The following ZNF233 variants were observed in gnomAD, a reference collection of about 807,000 sequenced individuals.
The protein encoded by ZNF233 is zinc finger protein 233.
ZNF233 carries 7 observed loss-of-function variants against 11.6 expected under a neutral mutation model. The observed-to-expected ratio is 0.60, with a 90% CI of 0.34 to 1.13. The LOEUF (loss-of-function observed/expected upper bound fraction) is 1.13, where lower values mean the gene tolerates loss of function less well. Ranked by LOEUF, ZNF233 falls within the 50% of genes most tolerant of loss-of-function variation. The pLI, the probability that ZNF233 is intolerant of heterozygous loss-of-function variation, is 0.03. For synonymous variants in ZNF233, 226 were observed against 268.5 expected (o/e 0.84, Z 1.55); for missense variants, 711 against 785.5 (o/e 0.91, Z 1.13).
rs747608327 is a variant in ZNF233 at position 44,274,298 on chromosome 19, T to TCAC, written c.1640_1641insCCA (p.Ser546_Gln547insHis). ...GTGAGACATGTGGGAAGGGCTTTAG[T>TCAC]CAGAGTTCGCATCTCCAAGACCATC... On this transcript the variant is annotated inframe_insertion, in exon 5 of 5. Transcript: ENST00000683810. 587 of 1,613,614 alleles carry TCAC rather than the reference T, an allele frequency of 3.6e-4. 2 individuals are homozygous for TCAC. The Middle Eastern group carries it at 4.3e-3, about 12-fold the overall frequency.
rs1248018608 is a variant in ZNF233 at position 44,266,179 on chromosome 19, C to T, written c.16-19C>T. The stretch of plus-strand genomic sequence containing the variant: ...GTTATTGGCCATAAGATTGAGATTA[C>T]ATCTGCTTGATGTTGTAGGAGATGG... On this transcript the variant is annotated intron_variant, in intron 2 of 4. Coordinates refer to ENST00000683810, the MANE Select transcript of ZNF233 (RefSeq NM_001207005.2). 6.3e-7 allele frequency: 1 copy of T among 1,598,456 alleles called. No homozygotes were observed. Among genetic ancestry groups the T allele is most frequent in the Non-Finnish European group, 8.5e-7 (1 of 1,171,732 alleles).
chr19:44,274,368 G>A lies in ZNF233; in HGVS notation c.1708G>A (p.Gly570Arg). The stretch of plus-strand genomic sequence containing the variant: ...GAATCCCTACAAATGTGATGTGTGT[G>A]GGAAAGGCTTCAGTTGGAGTTCACA... ...GENPYKCDVC[G>R]KGFSWSSHLQ... The change falls in exon 5 of 5, where the codon GGG (glycine) becomes AGG (arginine). Residue 570 changes from glycine to arginine, a missense_variant. Physicochemically the swap from Gly to Arg is moderately radical, Grantham distance 125 (BLOSUM62 -2). Coordinates refer to ENST00000683810, the MANE Select transcript of ZNF233 (RefSeq NM_001207005.2). The A allele has an allele frequency of 6.2e-7, 1 of 1,614,100 alleles. No homozygotes were observed. Among genetic ancestry groups the A allele is most frequent in the Non-Finnish European group, 8.5e-7 (1 of 1,180,028 alleles).
chr19:44,273,510 A>G lies in ZNF233; in HGVS notation c.850A>G (p.Lys284Glu), dbSNP rs201283361. The G allele has an allele frequency of 3.2e-5, 51 of 1,614,240 alleles. No homozygotes were observed. Among genetic ancestry groups the G allele is most frequent in the Middle Eastern group, 1.6e-4 (1 of 6,062 alleles). Residue 284 changes from lysine (K) to glutamate (E), a missense_variant, in exon 5 of 5, where the codon AAG (lysine) becomes GAG (glutamate). Transcript: ENST00000683810. ...ELHQQLHLRDKPHVNVEYGKG... is the reference protein window; with the variant it reads ...ELHQQLHLRDEPHVNVEYGKG... ...TCACCAGCAACTACACTTAAGAGACAAGCCTCATGTAAATGTTGAGTACGG... is the reference window on the plus strand; with the variant it reads ...TCACCAGCAACTACACTTAAGAGACGAGCCTCATGTAAATGTTGAGTACGG...
rs1397336091 is a variant in ZNF233, at chr19:44,273,692, T to A, written c.1032T>A (p.Cys344Ter). Residue 344 changes from cysteine (C) to a stop codon, truncating the protein, a stop_gained, in exon 5 of 5, where the codon TGT becomes TGA. Transcript: ENST00000683810. LOFTEE classifies it low-confidence loss of function (END_TRUNC). ...RVSTGENLYR[C>*]QVYARSSNQN... ...GCACAGGAGAGAACCTCTACAGATG[T>A]CAGGTATATGCCCGGAGCTCCAACC... 2.5e-6 allele frequency: 4 copies of A among 1,614,014 alleles called. No homozygotes were observed. Among genetic ancestry groups the A allele is most frequent in the Non-Finnish European group, 3.4e-6 (4 of 1,179,992 alleles).
chr19:44,261,218 T>C (rs538415750), intron 1 of ZNF233, among the ~76,000 whole-genome samples: 2 of 152,212 alleles, frequency 1.3e-5, no homozygotes, highest in South Asian at 2.1e-4. Context: ...GGCGGGAGGA[T>C]GGCTTGAGCC....
intron 1 of ZNF233, among the ~76,000 whole-genome samples, chr19:44,261,986 G>A (rs138865216): frequency 0.011 from 1,644 of 152,190 alleles, 27 homozygotes; most frequent in Non-Finnish European, 0.013. Context: ...CCTTGATGTT[G>A]CTTGAGCAAA....
rs1975358118 is a variant in ZNF233 at position 44,275,103 on chromosome 19, T to C, written c.*430T>C. On this transcript the variant is annotated 3_prime_UTR_variant, in exon 5 of 5. Coordinates refer to ENST00000683810, the MANE Select transcript of ZNF233 (RefSeq NM_001207005.2). ...TGCAGGAACATTGTTTACTGCTGCA[T>C]GATCGTGACCTTGAACAAGTACCTA... The C allele has an allele frequency of 2.5e-6, 1 of 400,818 alleles. No individual in the cohort carries two copies. Among genetic ancestry groups the C allele is most frequent in the Admixed American group, 4.1e-5 (1 of 24,156 alleles). 24.8% of individuals were successfully genotyped at this position (400,818 alleles called of 1,614,324 possible).
At chr19:44,268,259 G>A (rs988830579) in intron 4 of ZNF233, 4 of 152,124 alleles carry the variant, frequency 2.6e-5, no homozygotes, top group Non-Finnish European at 4.4e-5. Flanking sequence ...ACATATTCAT[G>A]TATTACATTT....
rs781653514 is a variant in ZNF233, at chr19:44,274,727, T to TA, written c.*55dup. The stretch of plus-strand genomic sequence containing the variant: ...TGTGATAGGGGTGCTCTTCAAGACT[T>TA]AGACTTCCCATTTTCCTCAGAAAAT... On this transcript the variant is annotated 3_prime_UTR_variant, in exon 5 of 5. Coordinates refer to ENST00000683810, the MANE Select transcript of ZNF233 (RefSeq NM_001207005.2). 7.3e-7 allele frequency: 1 copy of TA among 1,364,374 alleles called. No individual in the cohort carries two copies. Among genetic ancestry groups the TA allele is most frequent in the African/African-American group, 1.5e-5 (1 of 68,250 alleles). The allele number at this position is 1,364,374 out of a possible 1,614,324, so 84.5% of individuals were successfully genotyped here.
intron 1 of ZNF233, among the ~76,000 whole-genome samples, chr19:44,260,394 A>T (rs1477409796): frequency 1.3e-5 from 2 of 152,174 alleles, no homozygotes; most frequent in Non-Finnish European, 2.9e-5. Flanking sequence ...GAGGAGAGGC[A>T]TTCAGTCTCT....
In ZNF233 at chr19:44,266,401, C is replaced by T. The variant is rs936820943; in HGVS notation, c.142+77C>T. The T allele has an allele frequency of 5.2e-5, 72 of 1,389,108 alleles. No individual in the cohort carries two copies. In the African/African-American group the frequency reaches 5.7e-4, roughly 11 times the overall value. 86.0% of individuals were successfully genotyped at this position (1,389,108 alleles called of 1,614,324 possible). ...CTTTCAATTATTTAAGACTTTGGGA[C>T]GCTTAAAATGCTTCCCTGAACTTGG... On this transcript the variant is annotated intron_variant, in intron 3 of 4. Transcript: ENST00000683810.
rs751810502 is a variant in ZNF233, at chr19:44,273,528, G to C, written c.868G>C (p.Glu290Gln). ...AAGAGACAAGCCTCATGTAAATGTT[G>C]AGTACGGGAAGGGCATAGGTTACAG... is the stretch of plus-strand genomic sequence containing the variant. The part of the protein sequence containing the change: ...HLRDKPHVNV[E>Q]YGKGIGYSSG... The change falls in exon 5 of 5, where the codon GAG becomes CAG. Residue 290 changes from glutamate (E) to glutamine (Q), a missense_variant. Coordinates refer to ENST00000683810, the MANE Select transcript of ZNF233 (RefSeq NM_001207005.2). The C allele has an allele frequency of 6.2e-7, 1 of 1,614,202 alleles. No individual in the cohort carries two copies. The highest frequency in any genetic ancestry group is 8.5e-7 in the Non-Finnish European group (1 of 1,180,042).
chr19:44,274,741 T>G lies in ZNF233; in HGVS notation c.*68T>G. 7.8e-7 allele frequency: 1 copy of G among 1,276,240 alleles called. No individual in the cohort carries two copies. Among genetic ancestry groups the G allele is most frequent in the African/African-American group, 1.5e-5 (1 of 66,206 alleles). The allele number at this position is 1,276,240 out of a possible 1,614,324, so 79.1% of individuals were successfully genotyped here. A position where few individuals can be genotyped will look rare whatever the true frequency, so the allele number is the denominator to read the frequency against. On this transcript the variant is annotated 3_prime_UTR_variant, in exon 5 of 5. Coordinates refer to ENST00000683810, the MANE Select transcript of ZNF233 (RefSeq NM_001207005.2). ...TCTTCAAGACTTAGACTTCCCATTTTCCTCAGAAAATCCACACAGCACAGA... is the reference window on the plus strand; with the variant it reads ...TCTTCAAGACTTAGACTTCCCATTTGCCTCAGAAAATCCACACAGCACAGA...
rs773752107 is a variant in ZNF233 at position 44,274,341 on chromosome 19, G to C, written c.1681G>C (p.Glu561Gln). Reference sequence around the variant, plus strand: ...AGACCATCAGCAAGTCCATACTGGAGAGAATCCCTACAAATGTGATGTGTG... The same window carrying C: ...AGACCATCAGCAAGTCCATACTGGACAGAATCCCTACAAATGTGATGTGTG... The part of the protein sequence containing the change: ...LQDHQQVHTG[E>Q]NPYKCDVCGK... Residue 561 changes from glutamate (E) to glutamine (Q), a missense_variant, in exon 5 of 5, where the codon GAG becomes CAG. Coordinates refer to ENST00000683810, the MANE Select transcript of ZNF233 (RefSeq NM_001207005.2). 2 of 1,614,002 alleles carry C rather than the reference G, an allele frequency of 1.2e-6. No individual in the cohort carries two copies. Among genetic ancestry groups the C allele is most frequent in the Non-Finnish European group, 1.7e-6 (2 of 1,179,950 alleles).
intron 1 of ZNF233, among the ~76,000 whole-genome samples, chr19:44,262,611 G>C (rs1210461975): frequency 6.6e-6 from 1 of 152,220 alleles, no homozygotes; most frequent in African/African-American, 2.4e-5. Flanking sequence ...TTTCAGAAGA[G>C]AATACATTGC....
chr19:44,268,188 A>AC (rs1975144538), intron 4 of ZNF233: 3 of 152,142 alleles, frequency 2.0e-5, no homozygotes, highest in African/African-American at 7.2e-5. Context: ...ACATACATTT[A>AC]ATTAAATTAA....
At chr19:44,263,748 C>G (rs1177162793) in intron 1 of ZNF233, among the ~76,000 whole-genome samples, 4 of 152,158 alleles carry the variant, frequency 2.6e-5, no homozygotes, top group Non-Finnish European at 5.9e-5. Flanking sequence ...ATTGTACAGT[C>G]TTTGAAATCT....
Position 44,273,301 on chromosome 19 carries a change from T to C in ZNF233, c.641T>C (p.Val214Ala). Reference protein sequence around the residue: ...KNKLCKCDHCVRQRIAHQHDD... With the variant: ...KNKLCKCDHCARQRIAHQHDD... ...AAGCTCTGTAAATGTGATCATTGTG[T>C]TAGGCAAAGAATTGCTCATCAACAT... The change falls in exon 5 of 5, where the codon GTT becomes GCT. Residue 214 changes from valine (V) to alanine (A), a missense_variant. Coordinates refer to ENST00000683810, the MANE Select transcript of ZNF233 (RefSeq NM_001207005.2). 1 of 1,614,148 alleles carries C rather than the reference T, an allele frequency of 6.2e-7. No homozygotes were observed. Among genetic ancestry groups the C allele is most frequent in the Non-Finnish European group, 8.5e-7 (1 of 1,180,032 alleles).
chr19:44,264,778 T>C (rs1599872638), intron 2 of ZNF233, among the ~76,000 whole-genome samples: 1 of 92,506 alleles, frequency 1.1e-5, no homozygotes, highest in African/African-American at 8.4e-5. Flanking sequence ...TCAGTTAATG[T>C]TGTTACTAGA....
Sources: allele counts gnomAD v4.1 joint callset (sites outside exome capture counted in the v4.1 genomes callset), GRCh38; gene constraint gnomAD v4.1.1; transcripts MANE v1.5; gene names NCBI Gene and HGNC (gene_info 2026-07-23, HGNC 2026-07-21).